Variants in OSBPL10 observed in about 807,000 individuals in gnomAD.
OSBPL10 encodes the protein oxysterol-binding protein-related protein 10.
In OSBPL10, 49 loss-of-function variants were observed where a neutral mutation model predicts 81.7. The observed-to-expected ratio is 0.60, with a 90% CI of 0.48 to 0.76. The LOEUF (loss-of-function observed/expected upper bound fraction) is 0.76. Among genes scored for constraint, OSBPL10 ranks in the 30% least tolerant of loss-of-function variants. The pLI is 0.00. For synonymous variants in OSBPL10, 419 were observed against 383.6 expected (o/e 1.09, Z -1.08); for missense variants, 923 against 987.8 (o/e 0.93, Z 0.88).
At chr3:31,694,490 A>G (rs1038851407) in intron 7 of OSBPL10, among the ~76,000 whole-genome samples, 1 of 152,012 alleles carries the variant, frequency 6.6e-6, no homozygotes, top group Non-Finnish European at 1.5e-5. Flanking sequence ...AATTTTTTAA[A>G]AAGTTTCAGT....
chr3:31,798,396 C>T (rs922144040), intron 4 of OSBPL10, among the ~76,000 whole-genome samples: 27 of 150,642 alleles, frequency 1.8e-4, no homozygotes, highest in African/African-American at 6.1e-4. Flanking sequence ...CACCATTGCA[C>T]TTCAGCCTGG....
chr3:32,012,489 T>A (rs897457825), intron 2 of OSBPL10, among the ~76,000 whole-genome samples: 2 of 152,212 alleles, frequency 1.3e-5, no homozygotes, highest in Non-Finnish European at 2.9e-5. Flanking sequence ...TGCAAAAACA[T>A]GCCAAATTGT....
chr3:31,676,232 A>C (rs941828300), intron 8 of OSBPL10, among the ~76,000 whole-genome samples: 1 of 150,018 alleles, frequency 6.7e-6, no homozygotes, highest in South Asian at 2.1e-4. Context: ...TCATTCATCA[A>C]ATCACCTGCA....
At chr3:31,775,455 T>C (rs1294584003) in intron 4 of OSBPL10, among the ~76,000 whole-genome samples, 1 of 151,846 alleles carries the variant, frequency 6.6e-6, no homozygotes, top group Non-Finnish European at 1.5e-5. Context: ...AAAGAAGGGA[T>C]GGTTAAGGAA....
intron 4 of OSBPL10, chr3:31,795,193 G>A (rs1559468527): frequency 1.5e-5 from 2 of 131,912 alleles, no homozygotes; most frequent in Non-Finnish European, 3.0e-5. Flanking sequence ...TGCCCAGGCT[G>A]GAGTGCAGTG....
chr3:31,664,656 G>A lies in OSBPL10; in HGVS notation c.2097-424C>T, dbSNP rs938288800. On this transcript the variant is annotated intron_variant, in intron 10 of 11. Coordinates refer to ENST00000396556, the MANE Select transcript of OSBPL10 (RefSeq NM_017784.5). ...AGATTCTTATCTCCATTTTACAGAG[G>A]AGAAAATTTAAGGTCCACATAAGGT... The A allele has an allele frequency of 4.0e-5, 8 of 201,360 alleles. No homozygotes were observed. In the South Asian group the frequency reaches 7.7e-4, roughly 19 times the overall value. The allele number at this position is 201,360 out of a possible 1,614,324, so 12.5% of individuals were successfully genotyped here.
At chr3:32,012,718 C>T (rs1210596362) in intron 2 of OSBPL10, among the ~76,000 whole-genome samples, 2 of 152,108 alleles carry the variant, frequency 1.3e-5, no homozygotes, top group African/African-American at 2.4e-5. Flanking sequence ...CAGAGACACA[C>T]TTAGGCTCAA....
At chr3:31,697,769 CT>C (rs550160798) in intron 7 of OSBPL10, among the ~76,000 whole-genome samples, 37 of 146,396 alleles carry the variant, frequency 2.5e-4, no homozygotes, top group Non-Finnish European at 2.6e-4. Context: ...GCTTCCTCCT[CT>C]TTTTTTTTTT....
intron 1 of OSBPL10, among the ~76,000 whole-genome samples, chr3:32,073,646 T>C (rs7642206): frequency 0.71 from 107,246 of 152,078 alleles, 39,710 homozygotes; most frequent in East Asian, 0.89. Flanking sequence ...CGGGGCTTTA[T>C]GCAGTCACCC....
intron 6 of OSBPL10, 110 bp downstream of exon 6, chr3:31,733,147 A>G (rs1697029106): frequency 4.8e-6 from 7 of 1,455,814 alleles, no homozygotes; most frequent in Non-Finnish European, 1.9e-6. Context: ...CCATTTTTTA[A>G]TTTGTCTCCT....
intron 2 of OSBPL10, among the ~76,000 whole-genome samples, chr3:31,998,602 A>C (rs1474713888): frequency 6.6e-6 from 1 of 152,230 alleles, no homozygotes; most frequent in Non-Finnish European, 1.5e-5. Context: ...GATCTTTTTC[A>C]AATAATTTGA....
chr3:32,011,836 G>A (rs1699262796), intron 2 of OSBPL10, among the ~76,000 whole-genome samples: 1 of 152,148 alleles, frequency 6.6e-6, no homozygotes, highest in South Asian at 2.1e-4. Context: ...CTGGAAGAAA[G>A]GTTATCAGTG....
chr3:31,763,423 T>C (rs1370435216), intron 4 of OSBPL10, among the ~76,000 whole-genome samples: 2 of 152,176 alleles, frequency 1.3e-5, no homozygotes, highest in African/African-American at 4.8e-5. Context: ...TGCTTCACCT[T>C]TGTTCACTCA....
chr3:31,824,955 G>A (rs1700066794), intron 4 of OSBPL10, among the ~76,000 whole-genome samples: 1 of 152,070 alleles, frequency 6.6e-6, no homozygotes, highest in Admixed American at 6.6e-5. Context: ...TTCTGTTTTG[G>A]CAGAAAGTTC....
At chr3:31,863,962 A>C (rs894125347) in intron 3 of OSBPL10, among the ~76,000 whole-genome samples, 3 of 152,140 alleles carry the variant, frequency 2.0e-5, no homozygotes, top group Non-Finnish European at 4.4e-5. Flanking sequence ...GGTAAAGGAG[A>C]AGAAGAAGGA....
chr3:31,913,500 A>G (rs1696652807), intron 1 of OSBPL10, among the ~76,000 whole-genome samples: 1 of 152,142 alleles, frequency 6.6e-6, no homozygotes, highest in African/African-American at 2.4e-5. Context: ...CACCTGCCTC[A>G]GCCTCCCAAA....
At chr3:31,860,176 C>T (rs554318504) in intron 3 of OSBPL10, among the ~76,000 whole-genome samples, 12 of 148,720 alleles carry the variant, frequency 8.1e-5, no homozygotes, top group South Asian at 6.2e-4. Flanking sequence ...AAAATGAAAG[C>T]GTTTAAGATT....
At chr3:31,705,372 A>ACACCCCCCCCCCC (rs1559425042) in intron 6 of OSBPL10, among the ~76,000 whole-genome samples, 1 of 130,556 alleles carries the variant, frequency 7.7e-6, no homozygotes, top group Non-Finnish European at 1.6e-5. Flanking sequence ...CAAAGAGAAG[A>ACACCCCCCCCCCC]CCCCCCCCCC....
chr3:31,845,485 A>G (rs73061417), intron 3 of OSBPL10, among the ~76,000 whole-genome samples: 3,749 of 152,220 alleles, frequency 0.025, 68 homozygotes, highest in Non-Finnish European at 0.038. Flanking sequence ...TCTTTCCTCT[A>G]TTTTCCACAT....
Sources: allele counts gnomAD v4.1 joint callset (sites outside exome capture counted in the v4.1 genomes callset), GRCh38; gene constraint gnomAD v4.1.1; transcripts MANE v1.5; gene names NCBI Gene and HGNC (gene_info 2026-07-23, HGNC 2026-07-21).